Variants in RNF38 observed in about 807,000 individuals in gnomAD.
RNF38 encodes ring finger protein 38.
Under a neutral mutation model 67.2 loss-of-function variants are expected in RNF38, and 15 were observed. That is an observed-to-expected ratio of 0.22 (90% CI 0.15 to 0.34). RNF38 has a LOEUF of 0.34. RNF38 is among the 10% of genes least tolerant of loss of function. The pLI is 1.00. For synonymous variants in RNF38, 220 were observed against 218.8 expected (o/e 1.01, Z -0.05); for missense variants, 524 against 639.9 (o/e 0.82, Z 1.95).
chr9:36,400,934 A>G (rs1587620131), upstream of RNF38: 5 of 926,460 alleles, frequency 5.4e-6, no homozygotes, highest in African/African-American at 2.6e-5. Flanking sequence ...ACCCCGCCTC[A>G]CCCCGCCTCG....
chr9:36,400,856 C>G (rs1231145080), upstream of RNF38: 3 of 985,022 alleles, frequency 3.0e-6, no homozygotes, highest in East Asian at 1.1e-4. Flanking sequence ...GCCTCGGCCC[C>G]GTCCCGCAAC....
chr9:36,375,958 T>C lies in RNF38; in HGVS notation c.332A>G (p.Asn111Ser), dbSNP rs559178633. The change falls in exon 3 of 12, where the codon AAC (asparagine) becomes AGC (serine). Residue 111 changes from asparagine (N) to serine (S), a missense_variant. Asn to Ser is a conservative substitution (Grantham distance 46). Transcript: ENST00000259605. ...SQHHFSGERC[N>S]TPARNRRSPP... Reference sequence around the variant, plus strand: ...CCTTCTTCTGTTGCGTGCAGGTGTGTTGCATCGTTCCCCTGAGAAGTGATG... The same window carrying C: ...CCTTCTTCTGTTGCGTGCAGGTGTGCTGCATCGTTCCCCTGAGAAGTGATG... The C allele has an allele frequency of 3.1e-6, 5 of 1,612,908 alleles. No individual in the cohort carries two copies. In the South Asian group the frequency reaches 3.3e-5, roughly 11 times the overall value.
intron 1 of RNF38, among the ~76,000 whole-genome samples, chr9:36,437,429 G>A (rs1044647435): frequency 2.0e-5 from 3 of 152,084 alleles, no homozygotes; most frequent in Non-Finnish European, 4.4e-5. Flanking sequence ...ATCATTGGTT[G>A]TAAAATGTTA....
chr9:36,468,196 C>T (rs1839910073), intron 1 of RNF38, among the ~76,000 whole-genome samples: 2 of 149,690 alleles, frequency 1.3e-5, no homozygotes, highest in African/African-American at 4.9e-5. Flanking sequence ...GGGCCATGAT[C>T]GCACCACTGT....
At chr9:36,356,235 A>G (rs1371910133) in intron 6 of RNF38, 68 bp downstream of exon 6, 5 of 1,496,890 alleles carry the variant, frequency 3.3e-6, no homozygotes, top group Non-Finnish European at 4.6e-6. Flanking sequence ...TACCTGGCCT[A>G]AACATTCTGA....
At chr9:36,371,671 C>T (rs1173427121) in intron 3 of RNF38, among the ~76,000 whole-genome samples, 8 of 151,854 alleles carry the variant, frequency 5.3e-5, no homozygotes, top group Admixed American at 5.2e-4. Context: ...AAGCTGGTCT[C>T]GAACTCCTGA....
rs1008342190 is a variant in RNF38, at chr9:36,374,046, G to T, written c.356+1888C>A. Among the ~76,000 whole-genome samples the T allele has an allele frequency of 2.0e-5, 3 of 152,148 alleles. No homozygotes were observed. The East Asian group carries it at 5.8e-4, about 29-fold the overall frequency. On this transcript the variant is annotated intron_variant, in intron 3 of 11. Transcript: ENST00000259605. ...TCATAAAATAGGAAGACTACAGCAG[G>T]TACTCAGGCCTTAACTTTGCAATAA...
At chr9:36,429,713 G>A (rs1231020031) in intron 1 of RNF38, among the ~76,000 whole-genome samples, 3 of 152,128 alleles carry the variant, frequency 2.0e-5, no homozygotes, top group Non-Finnish European at 4.4e-5. Flanking sequence ...AGAATTGTTT[G>A]TACCCAGGAG....
At chr9:36,426,829 C>A (rs901826058) in intron 1 of RNF38, among the ~76,000 whole-genome samples, 2 of 152,188 alleles carry the variant, frequency 1.3e-5, no homozygotes, top group African/African-American at 4.8e-5. Context: ...AGTCACTTAA[C>A]AAATCATATG....
intron 1 of RNF38, among the ~76,000 whole-genome samples, chr9:36,458,695 C>A (rs1457816912): frequency 6.6e-6 from 1 of 151,708 alleles, no homozygotes; most frequent in Non-Finnish European, 1.5e-5. Flanking sequence ...AAACTCTGGA[C>A]ACACCATCTT....
At chr9:36,382,047 T>G (rs960526526) in intron 2 of RNF38, among the ~76,000 whole-genome samples, 6 of 152,240 alleles carry the variant, frequency 3.9e-5, no homozygotes, top group Non-Finnish European at 4.4e-5. Flanking sequence ...CTGTCATCTC[T>G]ACTATTATCC....
At chr9:36,378,400 TCTC>T (rs1240687819) in intron 2 of RNF38, among the ~76,000 whole-genome samples, 14 of 152,058 alleles carry the variant, frequency 9.2e-5, no homozygotes, top group Non-Finnish European at 1.8e-4. Context: ...ATGGTCTTGA[TCTC>T]CTGACCTCAT....
intron 1 of RNF38, among the ~76,000 whole-genome samples, chr9:36,451,916 TA>T (rs1482011896): frequency 2.0e-5 from 3 of 152,266 alleles, no homozygotes; most frequent in South Asian, 4.1e-4. Context: ...CAAACTTTTT[TA>T]AAAAAAAAAC....
At chr9:36,423,803 G>C (rs1442497197) in intron 2 of RNF38, among the ~76,000 whole-genome samples, 1 of 89,382 alleles carries the variant, frequency 1.1e-5, no homozygotes, top group African/African-American at 3.9e-5. Flanking sequence ...CAAAAAATTA[G>C]CCGGGCGTGG....
At chr9:36,405,137 C>T (rs531070012), upstream of RNF38, among the ~76,000 whole-genome samples, 2 of 152,132 alleles carry the variant, frequency 1.3e-5, no homozygotes, top group Admixed American at 6.5e-5. Flanking sequence ...CATGGTGGCA[C>T]GTGGCTGTAC....
intron 8 of RNF38, among the ~76,000 whole-genome samples, chr9:36,352,006 T>C (rs1158003657): frequency 1.3e-5 from 2 of 152,090 alleles, no homozygotes; most frequent in Non-Finnish European, 2.9e-5. Context: ...GAGACAGAAA[T>C]AAATAATTAC....
chr9:36,420,370 C>T (rs1237240191), intron 2 of RNF38, among the ~76,000 whole-genome samples: 1 of 151,534 alleles, frequency 6.6e-6, no homozygotes. Context: ...CTCTCTACTA[C>T]AAATACAAAA....
intron 4 of RNF38, among the ~76,000 whole-genome samples, chr9:36,362,005 C>T (rs7039144): frequency 0.97 from 147,409 of 152,266 alleles, 71,523 homozygotes; most frequent in East Asian, 1. Flanking sequence ...CCATCAATTG[C>T]GAGAAGCATC....
At chr9:36,480,478 C>A (rs143940756) in intron 1 of RNF38, among the ~76,000 whole-genome samples, 1 of 152,082 alleles carries the variant, frequency 6.6e-6, no homozygotes, top group African/African-American at 2.4e-5. Context: ...CCAAGAACAT[C>A]CCAAAAGCAC....
Sources: gnomAD v4.1 joint callset for allele counts (sites outside exome capture counted in the v4.1 genomes callset) on GRCh38, gnomAD v4.1.1 for gene constraint, MANE v1.5 for transcripts, NCBI Gene and HGNC (gene_info 2026-07-23, HGNC 2026-07-21) for gene names.